Variants in HSD17B7 observed in about 807,000 individuals in gnomAD.
HSD17B7 encodes the protein 3-keto-steroid reductase/17-beta-hydroxysteroid dehydrogenase 7.
Under a neutral mutation model 34.1 loss-of-function variants are expected in HSD17B7, and 17 were observed. That is an observed-to-expected ratio of 0.50 (90% CI 0.34 to 0.75). The LOEUF is 0.75. HSD17B7 is among the 30% of genes least tolerant of loss of function. The pLI is 0.01. For missense variants in HSD17B7, 296 were observed against 406.6 expected (o/e 0.73, Z 2.34); for synonymous variants, 122 against 154.6 (o/e 0.79, Z 1.56).
chr1:162,796,580 T>G lies in HSD17B7; in HGVS notation c.240-5T>G, dbSNP rs1648618466. The G allele has an allele frequency of 1.3e-6, 2 of 1,580,714 alleles. No individual in the cohort carries two copies. Among genetic ancestry groups the G allele is most frequent in the South Asian group, 1.1e-5 (1 of 90,178 alleles). Reference sequence around the variant, plus strand: ...TCACAATCTTGTTTGGTGGTTTACTTGCAGGTTTCAGAGATTAGACTGTAT... The same window carrying G: ...TCACAATCTTGTTTGGTGGTTTACTGGCAGGTTTCAGAGATTAGACTGTAT... On this transcript the variant is annotated splice_polypyrimidine_tract_variant and splice_region_variant and intron_variant, in intron 2 of 8. Coordinates refer to ENST00000254521, the MANE Select transcript of HSD17B7 (RefSeq NM_016371.4).
Position 162,792,746 on chromosome 1 carries a change from A to C in HSD17B7, c.123A>C (p.Ala41=). Residue 41 remains alanine (A), a synonymous_variant, in exon 2 of 9, where the codon GCA becomes GCC. Transcript: ENST00000254521. ...LCLACRNMSK[A]EAVCAALLAS... is the part of the protein sequence containing the mutation. Reference sequence around the variant, plus strand: ...TGGCGTGCAGGAACATGAGCAAGGCAGAAGCTGTCTGTGCTGCTCTGCTGG... The same window carrying C: ...TGGCGTGCAGGAACATGAGCAAGGCCGAAGCTGTCTGTGCTGCTCTGCTGG... 6.2e-7 allele frequency: 1 copy of C among 1,614,206 alleles called. No homozygotes were observed. The highest frequency in any genetic ancestry group is 8.5e-7 in the Non-Finnish European group (1 of 1,180,036).
At chr1:162,800,723 G>A (rs1334647522) in intron 5 of HSD17B7, among the ~76,000 whole-genome samples, 2 of 152,168 alleles carry the variant, frequency 1.3e-5, no homozygotes, top group Non-Finnish European at 2.9e-5. Flanking sequence ...AGTGTTCTAT[G>A]AGTATGGGGC....
At chr1:162,800,105 G>A in intron 5 of HSD17B7, 168 bp downstream of exon 5, 1 of 717,754 alleles carries the variant, frequency 1.4e-6, no homozygotes, top group Non-Finnish European at 2.6e-6. Context: ...TGACATTATA[G>A]TTATAGGTAG....
At position 162,811,063 on chromosome 1, in the gene HSD17B7, G is replaced by A. The variant is rs556119214; in HGVS notation, c.904-1235G>A. Among the ~76,000 whole-genome samples, 202 of 152,286 alleles carry A rather than the reference G, an allele frequency of 1.3e-3. 2 individuals are homozygous for A. The highest frequency in any genetic ancestry group is 2.6e-3 in the Non-Finnish European group (176 of 68,024). On this transcript the variant is annotated intron_variant, in intron 8 of 8. Coordinates refer to ENST00000254521, the MANE Select transcript of HSD17B7 (RefSeq NM_016371.4). ...TAGCATCGCTGGTCTTTACAATTTG[G>A]CATGTTTTTGCAGTGGCTGGTACCG...
intron 5 of HSD17B7, among the ~76,000 whole-genome samples, chr1:162,801,457 A>G (rs184247985): frequency 2.0e-5 from 3 of 152,314 alleles, no homozygotes; most frequent in Non-Finnish European, 2.9e-5. Context: ...GGGGATCTGT[A>G]TGAAGCACTC....
chr1:162,801,654 T>C (rs561856681), intron 5 of HSD17B7, among the ~76,000 whole-genome samples: 18 of 152,188 alleles, frequency 1.2e-4, no homozygotes, highest in Non-Finnish European at 1.9e-4. Flanking sequence ...TTTGGGTGTG[T>C]GCATGTGTGT....
At chr1:162,793,816 G>A (rs1376132795) in intron 2 of HSD17B7, among the ~76,000 whole-genome samples, 2 of 152,202 alleles carry the variant, frequency 1.3e-5, no homozygotes, top group Non-Finnish European at 2.9e-5. Flanking sequence ...ATATGCCTGG[G>A]AAGGTCATCC....
At chr1:162,807,458 G>A (rs1571009165) in intron 8 of HSD17B7, among the ~76,000 whole-genome samples, 1 of 152,192 alleles carries the variant, frequency 6.6e-6, no homozygotes, top group African/African-American at 2.4e-5. Flanking sequence ...CCTTATAGCA[G>A]CATGATTTAT....
At chr1:162,811,146 G>A (rs1649158742) in intron 8 of HSD17B7, among the ~76,000 whole-genome samples, 1 of 151,952 alleles carries the variant, frequency 6.6e-6, no homozygotes, top group African/African-American at 2.4e-5. Flanking sequence ...CAGGCCTGGT[G>A]GTGACAAAAT....
chr1:162,810,033 T>C (rs1649123881), intron 8 of HSD17B7, among the ~76,000 whole-genome samples: 1 of 152,214 alleles, frequency 6.6e-6, no homozygotes, highest in Admixed American at 6.5e-5. Context: ...TTCTTTTAAT[T>C]GTGATGTTAG....
At chr1:162,810,724 A>G (rs1183618394) in intron 8 of HSD17B7, among the ~76,000 whole-genome samples, 1 of 151,802 alleles carries the variant, frequency 6.6e-6, no homozygotes, top group Non-Finnish European at 1.5e-5. Context: ...TGTCTCTTTG[A>G]TCTTTGTTGG....
chr1:162,812,055 C>T (rs1031837193), intron 8 of HSD17B7, among the ~76,000 whole-genome samples: 5 of 152,150 alleles, frequency 3.3e-5, no homozygotes, highest in Non-Finnish European at 7.3e-5. Flanking sequence ...GGGGAGATAG[C>T]AAAACTCAGA....
intron 2 of HSD17B7, among the ~76,000 whole-genome samples, chr1:162,794,499 G>C (rs995308527): frequency 1.3e-5 from 2 of 152,056 alleles, no homozygotes; most frequent in African/African-American, 4.8e-5. Flanking sequence ...AGATTTTCTA[G>C]GTTCTGTTTT....
chr1:162,805,579 G>A lies in HSD17B7; in HGVS notation c.903+87G>A, dbSNP rs1350512551. On this transcript the variant is annotated intron_variant, in intron 8 of 8. Coordinates refer to ENST00000254521, the MANE Select transcript of HSD17B7 (RefSeq NM_016371.4). ...TCCTGACCAGCCCCTCAGCCCCCCA[G>A]CTTCGCTTCTCTGGGTACTCACTGT... The A allele has an allele frequency of 3.2e-6, 5 of 1,542,000 alleles. No homozygotes were observed. In the South Asian group the frequency reaches 5.0e-5, roughly 15 times the overall value.
chr1:162,807,427 TA>T (rs1649023211), intron 8 of HSD17B7, among the ~76,000 whole-genome samples: 1 of 152,266 alleles, frequency 6.6e-6, no homozygotes, highest in South Asian at 2.1e-4. Flanking sequence ...AGTGCCGCAG[TA>T]AACATACATG....
At chr1:162,804,939 G>A (rs1310257945) in intron 7 of HSD17B7, among the ~76,000 whole-genome samples, 1 of 152,144 alleles carries the variant, frequency 6.6e-6, no homozygotes, top group Non-Finnish European at 1.5e-5. Context: ...CTCTGCTAAC[G>A]GTTCAGAATT....
intron 8 of HSD17B7, among the ~76,000 whole-genome samples, chr1:162,806,978 A>G (rs995013005): frequency 1.3e-5 from 2 of 152,040 alleles, no homozygotes; most frequent in Non-Finnish European, 2.9e-5. Flanking sequence ...TCTTTTTTTT[A>G]AAATTATTAT....
In HSD17B7 at chr1:162,801,450, GA is replaced by G. The variant is rs1648810846; in HGVS notation, c.642+1514del. Among the ~76,000 whole-genome samples, 11 of 152,274 alleles carry G rather than the reference GA, an allele frequency of 7.2e-5. No individual in the cohort carries two copies. The South Asian group carries it at 2.3e-3, about 32-fold the overall frequency. On this transcript the variant is annotated intron_variant, in intron 5 of 8. Coordinates refer to ENST00000254521, the MANE Select transcript of HSD17B7 (RefSeq NM_016371.4). ...TTTATTGGGAAGATTGACTGAGGGG[GA>G]TCTGTATGAAGCACTCACAGCAGTG...
intron 8 of HSD17B7, among the ~76,000 whole-genome samples, chr1:162,807,272 C>T (rs1452855831): frequency 6.6e-6 from 1 of 152,162 alleles, no homozygotes; most frequent in Non-Finnish European, 1.5e-5. Flanking sequence ...TGGTTTCCAG[C>T]TTCATCCATG....
Sources: allele counts gnomAD v4.1 joint callset (sites outside exome capture counted in the v4.1 genomes callset), GRCh38; gene constraint gnomAD v4.1.1; transcripts MANE v1.5; gene names NCBI Gene and HGNC (gene_info 2026-07-23, HGNC 2026-07-21).